AK9: variants seen among roughly 807,000 people sequenced by gnomAD.
AK9 encodes adenylate kinase 9, also known as adenylate kinase domain containing 1.
AK9 carries 191 observed loss-of-function variants against 239.6 expected under a neutral mutation model. The ratio of observed to expected loss-of-function variants is 0.80; its 90% CI spans 0.71 to 0.90. The LOEUF (loss-of-function observed/expected upper bound fraction) is 0.90. Among genes scored for constraint, AK9 ranks in the 40% least tolerant of loss-of-function variants. The pLI is 0.00. For missense variants in AK9, 1,995 were observed against 2,214.7 expected, an observed-to-expected ratio of 0.90 and a Z score of 1.99; for synonymous variants, 689 against 721.0, an observed-to-expected ratio of 0.96 and a Z score of 0.71.
chr6:109,512,784 T>G (rs1349583941), intron 32 of AK9, among the ~76,000 whole-genome samples: 1 of 152,226 alleles, frequency 6.6e-6, no homozygotes, highest in Non-Finnish European at 1.5e-5. Flanking sequence ...CTATTTACCT[T>G]AAAGTCCAAA....
intron 3 of AK9, 48 bp from the exon 4 acceptor site, chr6:109,672,215 C>T (rs1475604306): frequency 1.4e-6 from 2 of 1,474,328 alleles, no homozygotes; most frequent in Non-Finnish European, 1.9e-6. Context: ...TTAAGATCAC[C>T]AAAATAAGAA....
chr6:109,550,106 T>C lies in AK9; in HGVS notation c.2948A>G (p.His983Arg). The C allele has an allele frequency of 6.2e-7, 1 of 1,613,780 alleles. No homozygotes were observed. Among genetic ancestry groups the C allele is most frequent in the South Asian group, 1.1e-5 (1 of 91,056 alleles). Residue 983 changes from histidine (H) to arginine (R), a missense_variant, in exon 25 of 41, where the codon CAT becomes CGT. Around this residue, in one of 5 missense-constraint regions of AK9, gnomAD observed 1,290 missense variants for 1,392.7 expected, o/e 0.93. Transcript: ENST00000424296. ...FLEHPEDYVA[H>R]EEPLKAPPLR... ...CTGTCTCACCTTCAATGGTTCTTCATGAGCCACATAATCCTCAGGATGCTC... is the reference window on the plus strand; with the variant it reads ...CTGTCTCACCTTCAATGGTTCTTCACGAGCCACATAATCCTCAGGATGCTC...
intron 29 of AK9, among the ~76,000 whole-genome samples, chr6:109,519,980 T>C (rs1221127337): frequency 6.6e-6 from 1 of 152,206 alleles, no homozygotes; most frequent in Non-Finnish European, 1.5e-5. Flanking sequence ...TTGTTTAAGT[T>C]CCTTATAGAT....
Position 109,497,814 on chromosome 6 carries a change from T to G in AK9, c.5198A>C (p.Tyr1733Ser), listed in dbSNP as rs370727173. 6.2e-7 allele frequency: 1 copy of G among 1,613,772 alleles called. No homozygotes were observed. The highest frequency in any genetic ancestry group is 1.1e-5 in the South Asian group (1 of 91,076). ...GACTTGCCTTTGGTTTCCATCCTTATAGGTCACTGGACAGTAGCCCTGGAG... is the reference window on the plus strand; with the variant it reads ...GACTTGCCTTTGGTTTCCATCCTTAGAGGTCACTGGACAGTAGCCCTGGAG... The part of the protein sequence containing the change: ...AELQGYCPVT[Y>S]KDGNQRYEAL... Residue 1733 changes from tyrosine (Y) to serine (S), a missense_variant, in exon 37 of 41, where the codon TAT becomes TCT. Around this residue, in one of 5 missense-constraint regions of AK9, gnomAD observed 391 missense variants for 456.0 expected, o/e 0.86. Coordinates refer to ENST00000424296, the MANE Select transcript of AK9 (RefSeq NM_001145128.3).
At chr6:109,500,229 A>C (rs1341023621) in intron 35 of AK9, among the ~76,000 whole-genome samples, 1 of 152,180 alleles carries the variant, frequency 6.6e-6, no homozygotes, top group Non-Finnish European at 1.5e-5. Flanking sequence ...AGGAAAACAA[A>C]CATTTATCCA....
At position 109,610,509 on chromosome 6, in the gene AK9, T is replaced by A. The variant is rs1383870107; in HGVS notation, c.1698A>T (p.Pro566=). Residue 566 remains proline (P), a synonymous_variant, in exon 17 of 41, where the codon CCA becomes CCT. Transcript: ENST00000424296. ...QDVKLYSDTA[P]TEDLIEEVTA... ...TTACCTCTTCTATCAAGTCTTCTGTTGGGGCTAAAGTAAAATAAGCTGATA... is the reference window on the plus strand; with the variant it reads ...TTACCTCTTCTATCAAGTCTTCTGTAGGGGCTAAAGTAAAATAAGCTGATA... The A allele has an allele frequency of 6.4e-7, 1 of 1,550,632 alleles. No individual in the cohort carries two copies. Among genetic ancestry groups the A allele is most frequent in the Admixed American group, 2.0e-5 (1 of 50,822 alleles).
chr6:109,625,498 G>A (rs1394230935), intron 12 of AK9, among the ~76,000 whole-genome samples: 2 of 152,342 alleles, frequency 1.3e-5, no homozygotes, highest in African/African-American at 2.4e-5. Flanking sequence ...GTGAGCGGTC[G>A]ATGAGCGTTA....
At chr6:109,639,630 T>C (rs9487179) in intron 10 of AK9, among the ~76,000 whole-genome samples, 95,181 of 151,792 alleles carry the variant, frequency 0.63, 30,464 homozygotes, top group South Asian at 0.84. Context: ...TTTCTTTTGC[T>C]GGGCAGAAGC....
At chr6:109,640,611 G>A (rs1797297816) in intron 10 of AK9, among the ~76,000 whole-genome samples, 1 of 151,346 alleles carries the variant, frequency 6.6e-6, no homozygotes, top group African/African-American at 2.4e-5. Context: ...TAGGGCCAGA[G>A]TCTCGCTATG....
chr6:109,673,782 T>A (rs1434705670), intron 3 of AK9, among the ~76,000 whole-genome samples: 1 of 151,934 alleles, frequency 6.6e-6, no homozygotes, highest in Non-Finnish European at 1.5e-5. Flanking sequence ...ATAAATGCTA[T>A]GAACAAAACT....
intron 21 of AK9, among the ~76,000 whole-genome samples, chr6:109,569,711 A>G (rs1787135078): frequency 6.6e-6 from 1 of 152,246 alleles, no homozygotes; most frequent in South Asian, 2.1e-4. Flanking sequence ...AGAGAAATGC[A>G]AATCAAAACC....
intron 1 of AK9, among the ~76,000 whole-genome samples, chr6:109,689,452 T>A (rs571041863): frequency 3.3e-5 from 5 of 152,326 alleles, no homozygotes; most frequent in African/African-American, 1.2e-4. Flanking sequence ...CTACTCTCCC[T>A]GAACACAGGG....
chr6:109,539,839 T>C (rs1210233274), intron 27 of AK9, among the ~76,000 whole-genome samples: 1 of 152,168 alleles, frequency 6.6e-6, no homozygotes, highest in African/African-American at 2.4e-5. Flanking sequence ...CCCTCAGCTG[T>C]AGATTTGTTG....
chr6:109,611,203 C>T (rs922161528), intron 16 of AK9, among the ~76,000 whole-genome samples: 21 of 152,118 alleles, frequency 1.4e-4, no homozygotes, highest in African/African-American at 4.8e-4. Flanking sequence ...AGACTGATCC[C>T]AACCCAGAAA....
intron 8 of AK9, among the ~76,000 whole-genome samples, chr6:109,651,031 T>G (rs1309149944): frequency 1.3e-5 from 2 of 151,334 alleles, no homozygotes; most frequent in Non-Finnish European, 2.9e-5. Context: ...AATTGAACAA[T>G]GACAACACAT....
At position 109,662,641 on chromosome 6, in the gene AK9, T is replaced by C. The variant is rs569754780; in HGVS notation, c.354A>G (p.Pro118=). 7.6e-6 allele frequency: 12 copies of C among 1,577,164 alleles called. No homozygotes were observed. The highest frequency in any genetic ancestry group is 1.7e-4 in the Middle Eastern group (1 of 5,938). Residue 118 remains proline (P), a synonymous_variant, in exon 6 of 41, where the codon CCA becomes CCG. Coordinates refer to ENST00000424296, the MANE Select transcript of AK9 (RefSeq NM_001145128.3). ...CHFGYIITEI[P]SLSQDAMTTL... is the part of the protein sequence containing the mutation. ...TAGTCATGGCATCCTGTGAAAGTGA[T>C]GGTATTTCAGTGATAATATAACCTG...
chr6:109,501,001 T>TCAAA (rs995531377), intron 35 of AK9, among the ~76,000 whole-genome samples: 2 of 142,902 alleles, frequency 1.4e-5, no homozygotes, highest in East Asian at 4.2e-4. Flanking sequence ...AGTGAGACTC[T>TCAAA]CAAACAAACA....
At chr6:109,532,779 C>T (rs188621852) in intron 28 of AK9, among the ~76,000 whole-genome samples, 178 of 152,008 alleles carry the variant, frequency 1.2e-3, no homozygotes, top group African/African-American at 4.1e-3. Context: ...AGTGGAATTG[C>T]TGGTTCCCTG....
chr6:109,595,939 G>A (rs1312909277), intron 17 of AK9, among the ~76,000 whole-genome samples: 2 of 152,056 alleles, frequency 1.3e-5, no homozygotes, highest in East Asian at 1.9e-4. Context: ...ACCATGGCAC[G>A]TGTATACCTA....
Sources: allele counts gnomAD v4.1 joint callset (sites outside exome capture counted in the v4.1 genomes callset), GRCh38; gene constraint gnomAD v4.1.1; regional missense constraint gnomAD v4.1.1; transcripts MANE v1.5; gene names NCBI Gene and HGNC (gene_info 2026-07-23, HGNC 2026-07-21).